The following PLAG1 variants were observed in gnomAD, a reference collection of about 807,000 sequenced individuals.
The protein encoded by PLAG1 is zinc finger protein PLAG1.
PLAG1 carries 7 observed loss-of-function variants against 35.5 expected under a neutral mutation model. The ratio of observed to expected loss-of-function variants is 0.20; its 90% CI spans 0.11 to 0.37. The LOEUF is 0.37. PLAG1 is among the 10% of genes least tolerant of loss of function. PLAG1 has a pLI of 1.00. For missense variants in PLAG1, 454 were observed against 602.8 expected, an observed-to-expected ratio of 0.75 and a Z score of 2.58; for synonymous variants, 229 against 225.4, an observed-to-expected ratio of 1.02 and a Z score of -0.14.
intron 1 of PLAG1, among the ~76,000 whole-genome samples, chr8:56,200,714 C>A (rs540045286): frequency 6.6e-6 from 1 of 152,142 alleles, no homozygotes; most frequent in Non-Finnish European, 1.5e-5. Flanking sequence ...TCTGCCAAAA[C>A]CATTCCTCTC....
At chr8:56,186,486 C>T (rs1031016018) in intron 1 of PLAG1, among the ~76,000 whole-genome samples, 2 of 151,846 alleles carry the variant, frequency 1.3e-5, no homozygotes, top group African/African-American at 2.4e-5. Context: ...ATCCTCCTAC[C>T]TCAGCCTCCT....
At position 56,175,421 on chromosome 8, in the gene PLAG1, G is replaced by A. The variant is rs1053987564; in HGVS notation, c.-217+3988C>T. Among the ~76,000 whole-genome samples the A allele has an allele frequency of 3.9e-5, 6 of 152,178 alleles. No individual in the cohort carries two copies. The South Asian group carries it at 1.0e-3, about 26-fold the overall frequency. ...GAGCTGGAGCAACTACTGTGAAGCA[G>A]GAGACATAGCCAAGACATGCACCTA... is the stretch of plus-strand genomic sequence containing the variant. On this transcript the variant is annotated intron_variant, in intron 2 of 4. Transcript: ENST00000316981.
intron 1 of PLAG1, among the ~76,000 whole-genome samples, chr8:56,201,954 T>G (rs1344588071): frequency 1.3e-5 from 2 of 149,194 alleles, no homozygotes; most frequent in African/African-American, 4.9e-5. Context: ...AGTTTCTTTT[T>G]GGGCTCTTTT....
intron 1 of PLAG1, 103 bp downstream of exon 1, chr8:56,211,017 CG>C (rs1222312431): frequency 2.6e-5 from 4 of 153,352 alleles, no homozygotes; most frequent in African/African-American, 9.7e-5. Flanking sequence ...CTCCTGCCGC[CG>C]CCGCTGCTCC....
At chr8:56,178,349 C>G (rs1253020941) in intron 2 of PLAG1, among the ~76,000 whole-genome samples, 1 of 151,012 alleles carries the variant, frequency 6.6e-6, no homozygotes, top group Non-Finnish European at 1.5e-5. Flanking sequence ...TCATTGAAAA[C>G]AAGTTTAAAA....
In PLAG1 at chr8:56,180,073, A is replaced by C. The variant is rs143290239; in HGVS notation, c.-321-560T>G. Among the ~76,000 whole-genome samples the C allele has an allele frequency of 7.2e-5, 11 of 152,320 alleles. No homozygotes were observed. The East Asian group carries it at 2.1e-3, about 29-fold the overall frequency. ...TGCGATTATTGCTTGTTTTCAATTA[A>C]ATTCCCAGGTCATGTCCATCCTCAA... On this transcript the variant is annotated intron_variant, in intron 1 of 4. Coordinates refer to ENST00000316981, the MANE Select transcript of PLAG1 (RefSeq NM_002655.3).
chr8:56,166,223 T>C lies in PLAG1; in HGVS notation c.*20A>G, dbSNP rs1811347378. 6.5e-7 allele frequency: 1 copy of C among 1,527,722 alleles called. No individual in the cohort carries two copies. The highest frequency in any genetic ancestry group is 8.8e-7 in the Non-Finnish European group (1 of 1,133,048). The allele number at this position is 1,527,722 out of a possible 1,614,324, so 94.6% of individuals were successfully genotyped here. A position where few individuals can be genotyped will look rare whatever the true frequency, so the allele number is the denominator to read the frequency against. ...CACAGCTACACATACATTTCTGTAA[T>C]GAATCCATGTCCCAGAATCCTACTG... On this transcript the variant is annotated 3_prime_UTR_variant, in exon 5 of 5. Coordinates refer to ENST00000316981, the MANE Select transcript of PLAG1 (RefSeq NM_002655.3).
intron 1 of PLAG1, among the ~76,000 whole-genome samples, chr8:56,191,982 T>A (rs1812197217): frequency 6.6e-6 from 1 of 152,152 alleles, no homozygotes; most frequent in African/African-American, 2.4e-5. Flanking sequence ...GGATTTTTGG[T>A]ACAGGGAAGA....
intron 2 of PLAG1, among the ~76,000 whole-genome samples, chr8:56,175,130 T>C (rs1811647800): frequency 6.6e-6 from 1 of 152,228 alleles, no homozygotes; most frequent in Non-Finnish European, 1.5e-5. Flanking sequence ...ACTAAGCAGC[T>C]ATTTGAAAAG....
rs867534607 is a variant in PLAG1 at position 56,162,476 on chromosome 8, C to T, written c.*3767G>A. The T allele has an allele frequency of 1.1e-4, 24 of 217,794 alleles. No homozygotes were observed. The highest frequency in any genetic ancestry group is 2.9e-4 in the Admixed American group (5 of 17,282). 13.5% of individuals were successfully genotyped at this position (217,794 alleles called of 1,614,324 possible). ...ATGTACCTGTTTAAAATACCATCTA[C>T]CATTTTTGTACACAAAGCATTATAT... On this transcript the variant is annotated 3_prime_UTR_variant, in exon 5 of 5. Coordinates refer to ENST00000316981, the MANE Select transcript of PLAG1 (RefSeq NM_002655.3).
chr8:56,193,875 C>T (rs1812267472), intron 1 of PLAG1, among the ~76,000 whole-genome samples: 1 of 151,836 alleles, frequency 6.6e-6, no homozygotes, highest in Admixed American at 6.6e-5. Flanking sequence ...CCTGCTACCA[C>T]ACCTGGGTAA....
intron 1 of PLAG1, chr8:56,209,628 C>G (rs1812790328): frequency 6.6e-6 from 1 of 152,250 alleles, no homozygotes; most frequent in South Asian, 2.1e-4. Context: ...CTTTTATACA[C>G]ATAAAACCAG....
intron 2 of PLAG1, 26 bp from the exon 3 acceptor site, chr8:56,171,215 T>A: frequency 1.8e-6 from 1 of 545,940 alleles, no homozygotes; most frequent in Non-Finnish European, 2.3e-6. Flanking sequence ...GAAAATGGAC[T>A]ATCCTCTAAA....
At position 56,164,111 on chromosome 8, in the gene PLAG1, A is replaced by T. The variant is rs1811284878; in HGVS notation, c.*2132T>A. 5.3e-6 allele frequency: 1 copy of T among 187,208 alleles called. No individual in the cohort carries two copies. Among genetic ancestry groups the T allele is most frequent in the Non-Finnish European group, 1.1e-5 (1 of 88,296 alleles). The allele number at this position is 187,208 out of a possible 1,614,324, so 11.6% of individuals were successfully genotyped here. On this transcript the variant is annotated 3_prime_UTR_variant, in exon 5 of 5. Coordinates refer to ENST00000316981, the MANE Select transcript of PLAG1 (RefSeq NM_002655.3). Reference sequence around the variant, plus strand: ...AAGCTAGGAGCAGTTTGAAAAATTTAAAAATGTACTTCCTTATTAACATAT... The same window carrying T: ...AAGCTAGGAGCAGTTTGAAAAATTTTAAAATGTACTTCCTTATTAACATAT...
intron 2 of PLAG1, chr8:56,171,446 T>C (rs891998902): frequency 2.0e-5 from 3 of 152,228 alleles, no homozygotes; most frequent in African/African-American, 7.2e-5. Flanking sequence ...CCCCACTTCT[T>C]TCCCAAATTT....
In PLAG1 at chr8:56,162,238, C is replaced by T. The variant is rs957779251; in HGVS notation, c.*4005G>A. 5 of 228,828 alleles carry T rather than the reference C, an allele frequency of 2.2e-5. No individual in the cohort carries two copies. 14.2% of individuals were successfully genotyped at this position (228,828 alleles called of 1,614,324 possible). ...AGCCAGCCATTGCTAATGACGAATA[C>T]TAAACATTTAAAAGATCTCCTCCAA... On this transcript the variant is annotated 3_prime_UTR_variant, in exon 5 of 5. Coordinates refer to ENST00000316981, the MANE Select transcript of PLAG1 (RefSeq NM_002655.3).
chr8:56,174,227 T>C (rs1007391569), intron 2 of PLAG1, among the ~76,000 whole-genome samples: 12 of 152,090 alleles, frequency 7.9e-5, no homozygotes, highest in African/African-American at 2.2e-4. Flanking sequence ...ATAAAGTAGG[T>C]TGCAAAAAGA....
intron 1 of PLAG1, among the ~76,000 whole-genome samples, chr8:56,201,382 T>C (rs1812548677): frequency 6.6e-6 from 1 of 152,196 alleles, no homozygotes; most frequent in Non-Finnish European, 1.5e-5. Flanking sequence ...AAATTACCTA[T>C]TTAAGATCCT....
rs181176326 is a variant in PLAG1 at position 56,195,786 on chromosome 8, C to T, written c.-322+15335G>A. Among the ~76,000 whole-genome samples the T allele has an allele frequency of 2.1e-3, 318 of 152,052 alleles. 1 individual carries two copies. The highest frequency in any genetic ancestry group is 7.1e-3 in the African/African-American group (295 of 41,508). On this transcript the variant is annotated intron_variant, in intron 1 of 4. Transcript: ENST00000316981. ...TGGGAGAACAGGTGACGGTGCAAGC[C>T]GGGAGGGGGCCAGCGCCCAGGGAAC...
Sources: gnomAD v4.1 joint callset for allele counts (sites outside exome capture counted in the v4.1 genomes callset) on GRCh38, gnomAD v4.1.1 for gene constraint, MANE v1.5 for transcripts, NCBI Gene and HGNC (gene_info 2026-07-23, HGNC 2026-07-21) for gene names.